BMPR1B: variants seen among roughly 807,000 people sequenced by gnomAD.
BMPR1B encodes the protein bone morphogenetic protein receptor type-1B.
BMPR1B carries 12 observed loss-of-function variants against 59.1 expected under a neutral mutation model. The observed-to-expected ratio is 0.20, with a 90% CI of 0.13 to 0.33. The LOEUF (loss-of-function observed/expected upper bound fraction) is 0.33. BMPR1B is among the 10% of genes least tolerant of loss of function. The probability of loss-of-function intolerance (pLI) is 1.00; values close to 1 mark genes in which losing one functional copy is unlikely to be tolerated. For synonymous variants in BMPR1B, 237 were observed against 207.3 expected (o/e 1.14, Z -1.23); for missense variants, 550 against 610.9 (o/e 0.90, Z 1.05).
At chr4:94,888,815 T>C (rs1488381529) in intron 2 of BMPR1B, among the ~76,000 whole-genome samples, 1 of 152,094 alleles carries the variant, frequency 6.6e-6, no homozygotes, top group Admixed American at 6.6e-5. Context: ...TTTATCAATT[T>C]TATTGTTAGA....
chr4:95,060,247 T>G (rs1032425757), intron 3 of BMPR1B, among the ~76,000 whole-genome samples: 1 of 151,954 alleles, frequency 6.6e-6, no homozygotes, highest in Non-Finnish European at 1.5e-5. Context: ...ACACATTGAA[T>G]TCAAGATAAT....
Position 95,156,787 on chromosome 4 carries a change from T to C in BMPR1B, c.*2114T>C, listed in dbSNP as rs1010575526. The C allele has an allele frequency of 2.0e-5, 3 of 152,302 alleles. No homozygotes were observed. Among genetic ancestry groups the C allele is most frequent in the South Asian group, 2.1e-4 (1 of 4,820 alleles). The allele number at this position is 152,302 out of a possible 1,614,324, so 9.4% of individuals were successfully genotyped here. On this transcript the variant is annotated 3_prime_UTR_variant, in exon 13 of 13. Coordinates refer to ENST00000515059, the MANE Select transcript of BMPR1B (RefSeq NM_001203.3). ...TAAAGGTTCCTTTCTCTTGTGTCAG[T>C]TATATTCTTAGGGATAGCCTAGAAG...
At chr4:95,052,575 G>A (rs1159195352) in intron 3 of BMPR1B, among the ~76,000 whole-genome samples, 1 of 151,944 alleles carries the variant, frequency 6.6e-6, no homozygotes. Flanking sequence ...TCAGCTTTAT[G>A]TACTTGTGGA....
intron 1 of BMPR1B, among the ~76,000 whole-genome samples, chr4:94,802,481 G>A (rs1204578670): frequency 6.6e-6 from 1 of 152,122 alleles, no homozygotes; most frequent in East Asian, 1.9e-4. Context: ...AGATGAATAA[G>A]GTAAAAATAG....
chr4:94,859,653 G>A (rs1578729483), intron 1 of BMPR1B, among the ~76,000 whole-genome samples: 1 of 151,914 alleles, frequency 6.6e-6, no homozygotes, highest in Non-Finnish European at 1.5e-5. Flanking sequence ...CAGTTTTGTG[G>A]CCAGATCTTA....
intron 3 of BMPR1B, among the ~76,000 whole-genome samples, chr4:95,047,391 A>T (rs1726133464): frequency 6.6e-6 from 1 of 152,178 alleles, no homozygotes; most frequent in Non-Finnish European, 1.5e-5. Context: ...AGCAGTGATG[A>T]TCAGATATTT....
At chr4:94,873,117 G>T (rs1191191255) in intron 1 of BMPR1B, among the ~76,000 whole-genome samples, 2 of 152,026 alleles carry the variant, frequency 1.3e-5, no homozygotes, top group South Asian at 2.1e-4. Flanking sequence ...AGCAAAACTT[G>T]TAACAGGTGT....
At chr4:94,873,102 C>A (rs1261796862) in intron 1 of BMPR1B, among the ~76,000 whole-genome samples, 1 of 151,974 alleles carries the variant, frequency 6.6e-6, no homozygotes, top group Non-Finnish European at 1.5e-5. Flanking sequence ...CCTGGGTCAG[C>A]ATTGAGCAAA....
In BMPR1B at chr4:95,077,583, T is replaced by C. The variant is rs142383011; in HGVS notation, c.-17-26825T>C. Among the ~76,000 whole-genome samples the C allele has an allele frequency of 4.2e-3, 634 of 152,260 alleles. 6 individuals carry two copies. Among genetic ancestry groups the C allele is most frequent in the African/African-American group, 0.015 (619 of 41,556 alleles). On this transcript the variant is annotated intron_variant, in intron 3 of 12. Transcript: ENST00000515059. ...CACTTTCTACGTAGAATTTTTAGATTGTCTTCATAAATTTTAAAGTGAATG... is the reference window on the plus strand; with the variant it reads ...CACTTTCTACGTAGAATTTTTAGATCGTCTTCATAAATTTTAAAGTGAATG...
chr4:95,026,114 CTTTCTTTCTTTCTTTCTTTCTTTCT>C (rs1724365735), intron 3 of BMPR1B, among the ~76,000 whole-genome samples: 1 of 142,508 alleles, frequency 7.0e-6, no homozygotes, highest in African/African-American at 2.7e-5. Context: ...TTCTTTCTTT[CTTTCTTTCTTTCTTTCTTTCTTTCT>C]TTCTTTCTTT....
chr4:95,132,900 A>G (rs941306885), intron 10 of BMPR1B, among the ~76,000 whole-genome samples: 1 of 151,760 alleles, frequency 6.6e-6, no homozygotes. Context: ...ACAGTGTCCA[A>G]ACCTTTCTTT....
At chr4:94,807,799 C>G (rs1723667236) in intron 1 of BMPR1B, among the ~76,000 whole-genome samples, 1 of 152,138 alleles carries the variant, frequency 6.6e-6, no homozygotes, top group Non-Finnish European at 1.5e-5. Flanking sequence ...ATTTTTGTGC[C>G]TCAGCCTCCC....
intron 6 of BMPR1B, among the ~76,000 whole-genome samples, chr4:95,121,652 A>G (rs1188671409): frequency 6.6e-6 from 1 of 152,210 alleles, no homozygotes; most frequent in East Asian, 1.9e-4. Context: ...TTTTAAAATG[A>G]TGAAATGTTA....
chr4:94,845,241 T>C (rs1287391394), intron 1 of BMPR1B, among the ~76,000 whole-genome samples: 1 of 152,196 alleles, frequency 6.6e-6, no homozygotes, highest in African/African-American at 2.4e-5. Context: ...ATTTGTACTT[T>C]TAAAAATTTC....
At chr4:94,911,079 T>G (rs1314763013) in intron 2 of BMPR1B, among the ~76,000 whole-genome samples, 3 of 152,182 alleles carry the variant, frequency 2.0e-5, no homozygotes, top group African/African-American at 7.2e-5. Flanking sequence ...AATGTATTCA[T>G]AAAAACTATT....
At chr4:94,933,766 A>T (rs1459553301) in intron 2 of BMPR1B, among the ~76,000 whole-genome samples, 1 of 152,146 alleles carries the variant, frequency 6.6e-6, no homozygotes, top group Non-Finnish European at 1.5e-5. Flanking sequence ...GATATTTGAG[A>T]CAATCTCAAC....
At chr4:95,019,411 A>G (rs1054499195) in intron 3 of BMPR1B, among the ~76,000 whole-genome samples, 4 of 152,200 alleles carry the variant, frequency 2.6e-5, no homozygotes, top group Non-Finnish European at 5.9e-5. Context: ...TGCAAGGTTT[A>G]GCTGTGAAAT....
chr4:94,841,305 T>G (rs1279783237), intron 1 of BMPR1B, among the ~76,000 whole-genome samples: 1 of 139,574 alleles, frequency 7.2e-6, no homozygotes, highest in Admixed American at 7.0e-5. Flanking sequence ...TCGAGCTTCC[T>G]GGCTGCTTTG....
intron 1 of BMPR1B, among the ~76,000 whole-genome samples, chr4:94,775,809 T>C (rs1457948260): frequency 2.0e-5 from 3 of 152,194 alleles, no homozygotes; most frequent in South Asian, 4.1e-4. Context: ...TAATAGCCTT[T>C]GGCCAGATGC....
Sources: allele counts gnomAD v4.1 joint callset (sites outside exome capture counted in the v4.1 genomes callset), GRCh38; gene constraint gnomAD v4.1.1; transcripts MANE v1.5; gene names NCBI Gene and HGNC (gene_info 2026-07-23, HGNC 2026-07-21).